The following LMO1 variants were observed in gnomAD, a reference collection of about 807,000 sequenced individuals.
LMO1 encodes rhombotin-1.
LMO1 carries 10 observed loss-of-function variants against 18.0 expected under a neutral mutation model. The observed-to-expected ratio is 0.55, with a 90% CI of 0.34 to 0.94. LMO1 has a LOEUF of 0.94. Ranked by LOEUF, LMO1 falls within the 40% of genes least tolerant of loss-of-function variation. The pLI, the probability that LMO1 is intolerant of heterozygous loss-of-function variation, is 0.02. For missense variants in LMO1, 183 were observed against 205.7 expected (o/e 0.89, Z 0.68); for synonymous variants, 77 against 77.9 (o/e 0.99, Z 0.06).
chr11:8,259,015 G>A (rs574341024), intron 1 of LMO1, among the ~76,000 whole-genome samples: 8 of 152,276 alleles, frequency 5.3e-5, no homozygotes, highest in Admixed American at 2.0e-4. Context: ...ACACGCTCCC[G>A]TGCCTCCCCT....
chr11:8,230,135 G>T (rs1409447610), intron 2 of LMO1, among the ~76,000 whole-genome samples, 156 bp downstream of exon 2: 2 of 152,192 alleles, frequency 1.3e-5, no homozygotes, highest in Non-Finnish European at 2.9e-5. Context: ...GACTTCTCAG[G>T]TATCTGGGGC....
At position 8,224,500 on chromosome 11, in the gene LMO1, T is replaced by C; in HGVS notation, c.*116A>G. ...CCTCCCATCGAGGACGGAGAAGTTCTAATGTGGCAGGAGAGCGGCTGGCCA... is the reference window on the plus strand; with the variant it reads ...CCTCCCATCGAGGACGGAGAAGTTCCAATGTGGCAGGAGAGCGGCTGGCCA... On this transcript the variant is annotated 3_prime_UTR_variant, in exon 4 of 4. Transcript: ENST00000335790. 1 of 664,460 alleles carries C rather than the reference T, an allele frequency of 1.5e-6. No individual in the cohort carries two copies. Among genetic ancestry groups the C allele is most frequent in the East Asian group, 2.7e-5 (1 of 36,678 alleles). The allele number at this position is 664,460 out of a possible 1,614,324, so 41.2% of individuals were successfully genotyped here.
intron 1 of LMO1, among the ~76,000 whole-genome samples, chr11:8,243,284 GC>G (rs1199347794): frequency 1.3e-5 from 2 of 152,206 alleles, no homozygotes; most frequent in Non-Finnish European, 2.9e-5. Flanking sequence ...TTTCCCTTCA[GC>G]CCCCCGCATG....
At chr11:8,240,149 C>T (rs895066209) in intron 1 of LMO1, among the ~76,000 whole-genome samples, 1 of 152,126 alleles carries the variant, frequency 6.6e-6, no homozygotes, top group Admixed American at 6.5e-5. Flanking sequence ...CAAAAGAAGA[C>T]GGCTCTGAAA....
At chr11:8,248,896 AT>A (rs997661124) in intron 1 of LMO1, among the ~76,000 whole-genome samples, 1 of 152,104 alleles carries the variant, frequency 6.6e-6, no homozygotes, top group Non-Finnish European at 1.5e-5. Flanking sequence ...GAAAGCCAGG[AT>A]TGTGGTCCAG....
upstream of LMO1, among the ~76,000 whole-genome samples, chr11:8,266,721 T>C (rs572843445): frequency 5.3e-5 from 8 of 152,174 alleles, no homozygotes; most frequent in African/African-American, 1.2e-4. Context: ...GGGTGGGAGA[T>C]AGTGGGACCC....
At chr11:8,248,576 C>G (rs1846935055) in intron 1 of LMO1, among the ~76,000 whole-genome samples, 1 of 152,260 alleles carries the variant, frequency 6.6e-6, no homozygotes, top group African/African-American at 2.4e-5. Flanking sequence ...ACAAGTTCTG[C>G]TCTTCTCTGG....
chr11:8,256,744 T>C (rs1847105423), intron 1 of LMO1, among the ~76,000 whole-genome samples: 1 of 152,188 alleles, frequency 6.6e-6, no homozygotes, highest in Non-Finnish European at 1.5e-5. Flanking sequence ...AGAAAGGGCA[T>C]GCCAGGCAAG....
intron 1 of LMO1, among the ~76,000 whole-genome samples, chr11:8,248,382 T>G (rs1214155136): frequency 1.3e-5 from 2 of 152,160 alleles, no homozygotes; most frequent in East Asian, 3.9e-4. Context: ...TGAGACAGCA[T>G]GGAGTGGGCT....
At chr11:8,267,936 C>T (rs529189243), upstream of LMO1, among the ~76,000 whole-genome samples, 1 of 152,338 alleles carries the variant, frequency 6.6e-6, no homozygotes, top group South Asian at 2.1e-4. Context: ...GCTGGTTTGA[C>T]GGCACCCTCA....
chr11:8,224,471 C>A lies in LMO1; in HGVS notation c.*145G>T. Reference sequence around the variant, plus strand: ...CGGGCGGTGGTGGAGGAGGAAGGGCCATCCCTCCCATCGAGGACGGAGAAG... The same window carrying A: ...CGGGCGGTGGTGGAGGAGGAAGGGCAATCCCTCCCATCGAGGACGGAGAAG... On this transcript the variant is annotated 3_prime_UTR_variant, in exon 4 of 4. Coordinates refer to ENST00000335790, the MANE Select transcript of LMO1 (RefSeq NM_002315.3). The A allele has an allele frequency of 1.6e-6, 1 of 613,244 alleles. No homozygotes were observed. The highest frequency in any genetic ancestry group is 2.9e-6 in the Non-Finnish European group (1 of 343,222). The allele number at this position is 613,244 out of a possible 1,614,324, so 38.0% of individuals were successfully genotyped here. A position where few individuals can be genotyped will look rare whatever the true frequency, so the allele number is the denominator to read the frequency against.
intron 3 of LMO1, 147 bp from the exon 4 acceptor site, chr11:8,224,868 T>C: frequency 1.6e-6 from 1 of 639,928 alleles, no homozygotes. Context: ...CAGAGGGAAC[T>C]GCCAAAAGTC....
intron 1 of LMO1, among the ~76,000 whole-genome samples, chr11:8,258,754 A>C (rs1847139031): frequency 6.6e-6 from 1 of 152,224 alleles, no homozygotes; most frequent in South Asian, 2.1e-4. Flanking sequence ...AGGGAAACAT[A>C]CATTTTCATG....
At chr11:8,265,478 G>A (rs180978844), upstream of LMO1, among the ~76,000 whole-genome samples, 23 of 133,764 alleles carry the variant, frequency 1.7e-4, no homozygotes, top group East Asian at 2.5e-3. Context: ...ACAGAAAAGC[G>A]CTGCTTCTAA....
intron 2 of LMO1, 28 bp from the exon 3 acceptor site, chr11:8,227,128 A>C: frequency 6.3e-7 from 1 of 1,596,306 alleles, no homozygotes. Flanking sequence ...CAGAGGACTC[A>C]GCAGCATTCT....
At chr11:8,249,078 C>T (rs1193541579) in intron 1 of LMO1, among the ~76,000 whole-genome samples, 2 of 152,208 alleles carry the variant, frequency 1.3e-5, no homozygotes, top group African/African-American at 2.4e-5. Context: ...AAGTTCAAGC[C>T]CTGCTACGGG....
upstream of LMO1, among the ~76,000 whole-genome samples, chr11:8,267,204 C>T (rs894387681): frequency 1.3e-5 from 2 of 152,246 alleles, no homozygotes; most frequent in Non-Finnish European, 2.9e-5. Context: ...TACCCCTGCA[C>T]CACAGCCCTG....
At chr11:8,226,946 T>C in intron 3 of LMO1, 29 bp downstream of exon 3, 2 of 1,588,976 alleles carry the variant, frequency 1.3e-6, no homozygotes, top group South Asian at 1.1e-5. Context: ...GTCTGGGGAG[T>C]GTGTTGGGTC....
chr11:8,241,309 C>T (rs975667262), intron 1 of LMO1, among the ~76,000 whole-genome samples: 6 of 152,354 alleles, frequency 3.9e-5, no homozygotes, highest in South Asian at 2.1e-4. Context: ...CAGCCATCAC[C>T]GTCTCTCGAT....
Sources: allele counts gnomAD v4.1 joint callset (sites outside exome capture counted in the v4.1 genomes callset), GRCh38; gene constraint gnomAD v4.1.1; transcripts MANE v1.5; gene names NCBI Gene and HGNC (gene_info 2026-07-23, HGNC 2026-07-21).